DAPK1: variants seen among roughly 807,000 people sequenced by gnomAD.
DAPK1 encodes death-associated protein kinase 1.
DAPK1 carries 56 observed loss-of-function variants against 144.9 expected under a neutral mutation model. The ratio of observed to expected loss-of-function variants is 0.39; its 90% CI spans 0.31 to 0.48. The LOEUF is 0.48. Ranked by LOEUF, DAPK1 falls within the 20% of genes least tolerant of loss-of-function variation. DAPK1 has a pLI of 0.95. For missense variants in DAPK1, 1,454 were observed against 1,875.4 expected, an observed-to-expected ratio of 0.78 and a Z score of 4.15; for synonymous variants, 690 against 749.0, an observed-to-expected ratio of 0.92 and a Z score of 1.29.
chr9:87,525,299 A>C lies in DAPK1; in HGVS notation c.62+26160A>C, dbSNP rs561456273. 49 of 1,606,392 alleles carry C rather than the reference A, an allele frequency of 3.1e-5. No homozygotes were observed. The East Asian group carries it at 3.3e-4, about 11-fold the overall frequency. ...TTTACCTCGTTGCACTCCTGAGAGCAAGATGGGTCACCAGCAGCTGTACTG... is the reference window on the plus strand; with the variant it reads ...TTTACCTCGTTGCACTCCTGAGAGCCAGATGGGTCACCAGCAGCTGTACTG... On this transcript the variant is annotated intron_variant, in intron 2 of 25. Transcript: ENST00000408954.
rs1341761662 is a variant in DAPK1, at chr9:87,518,099, GTTGTTGTTTTT to G, written c.62+18963_62+18973del. Among the ~76,000 whole-genome samples the G allele has an allele frequency of 9.4e-4, 118 of 126,046 alleles. 4 individuals are homozygous for G. The highest frequency in any genetic ancestry group is 4.0e-3 in the Middle Eastern group (1 of 252). The allele number at this position is 126,046 out of a possible 152,430, so 82.7% of individuals were successfully genotyped here. ...TTGCCCTGGAATATTTGCCGTTTAT[GTTGTTGTTTTT>G]TTTTTTTTTTTTTTTTTCTGAGATG... On this transcript the variant is annotated intron_variant, in intron 2 of 25. Coordinates refer to ENST00000408954, the MANE Select transcript of DAPK1 (RefSeq NM_004938.4).
intron 2 of DAPK1, among the ~76,000 whole-genome samples, chr9:87,518,036 C>T: frequency 6.6e-6 from 1 of 151,558 alleles, no homozygotes; most frequent in East Asian, 1.9e-4. Flanking sequence ...AAGCAGCACG[C>T]ATCTGTCGCT....
At chr9:87,690,249 T>TCCCCTA (rs1195991117) in intron 21 of DAPK1, among the ~76,000 whole-genome samples, 3 of 152,296 alleles carry the variant, frequency 2.0e-5, no homozygotes, top group Admixed American at 6.5e-5. Flanking sequence ...CTGAGTATTT[T>TCCCCTA]ATTTTTATTG....
At chr9:87,669,050 C>T (rs1400713527) in intron 19 of DAPK1, 7 of 194,588 alleles carry the variant, frequency 3.6e-5, no homozygotes, top group Non-Finnish European at 6.5e-5. Context: ...CATTGTTGCT[C>T]TGAGGCTTAA....
At chr9:87,600,881 G>A (rs1828491738) in intron 2 of DAPK1, among the ~76,000 whole-genome samples, 1 of 152,232 alleles carries the variant, frequency 6.6e-6, no homozygotes, top group South Asian at 2.1e-4. Context: ...GGTTGTGGCA[G>A]TGGCCTTGCT....
chr9:87,691,709 T>A (rs969154043), intron 21 of DAPK1, among the ~76,000 whole-genome samples: 1 of 152,118 alleles, frequency 6.6e-6, no homozygotes, highest in Non-Finnish European at 1.5e-5. Context: ...AGAATTTTTT[T>A]AAATTTCTCC....
At chr9:87,512,909 A>G (rs548257970) in intron 2 of DAPK1, among the ~76,000 whole-genome samples, 1 of 151,644 alleles carries the variant, frequency 6.6e-6, no homozygotes, top group Admixed American at 6.6e-5. Flanking sequence ...AGCCTCCCAA[A>G]GTGCTGGGAT....
intron 2 of DAPK1, among the ~76,000 whole-genome samples, chr9:87,586,238 A>G (rs1189679129): frequency 6.6e-6 from 1 of 152,098 alleles, no homozygotes; most frequent in Non-Finnish European, 1.5e-5. Flanking sequence ...TAGTGAGCTG[A>G]GATAGCGCCC....
rs756066320 is a variant in DAPK1 at position 87,698,637 on chromosome 9, G to T, written c.2612-19G>T. The stretch of plus-strand genomic sequence containing the variant: ...GTAGGAGGACCCACCCCCTGAAGCA[G>T]TTCCCTCTCTGCCCCCAGCCTTCGG... On this transcript the variant is annotated intron_variant, in intron 22 of 25. Transcript: ENST00000408954. The T allele has an allele frequency of 2.5e-6, 4 of 1,583,042 alleles. No homozygotes were observed. The South Asian group carries it at 3.3e-5, about 13-fold the overall frequency.
intron 2 of DAPK1, among the ~76,000 whole-genome samples, chr9:87,571,913 T>A (rs762004781): frequency 6.6e-6 from 1 of 152,226 alleles, no homozygotes; most frequent in Admixed American, 6.5e-5. Flanking sequence ...AGCTCTTTGG[T>A]TGCAGACCGT....
chr9:87,591,087 A>T (rs1360096529), intron 2 of DAPK1, among the ~76,000 whole-genome samples: 3 of 152,224 alleles, frequency 2.0e-5, no homozygotes, highest in Non-Finnish European at 4.4e-5. Context: ...CTACCCAGTT[A>T]CCTGAAGTTA....
intron 2 of DAPK1, among the ~76,000 whole-genome samples, chr9:87,520,948 T>C (rs765521801): frequency 6.6e-6 from 1 of 152,258 alleles, no homozygotes; most frequent in Non-Finnish European, 1.5e-5. Flanking sequence ...AATGCTTTTA[T>C]TGATTTTTAC....
intron 18 of DAPK1, 53 bp downstream of exon 18, chr9:87,658,180 C>T: frequency 1.4e-6 from 1 of 737,290 alleles, no homozygotes; most frequent in Non-Finnish European, 2.4e-6. Context: ...GCCTCTGGCG[C>T]CTCCAGGGCA....
chr9:87,614,937 G>A (rs1005392236), intron 3 of DAPK1, among the ~76,000 whole-genome samples: 28 of 152,154 alleles, frequency 1.8e-4, no homozygotes, highest in Non-Finnish European at 3.8e-4. Context: ...CAGAATTCTG[G>A]GATGGTGACT....
At position 87,507,489 on chromosome 9, in the gene DAPK1, G is replaced by A. The variant is rs189552135; in HGVS notation, c.62+8350G>A. Among the ~76,000 whole-genome samples, 105 of 152,330 alleles carry A rather than the reference G, an allele frequency of 6.9e-4. No homozygotes were observed. In the Middle Eastern group the frequency reaches 0.014, roughly 20 times the overall value. ...CAAAGTGTTGGGATTACAGGCATGA[G>A]CCACCGCATCTGGTGTTCACGGGGC... On this transcript the variant is annotated intron_variant, in intron 2 of 25. Coordinates refer to ENST00000408954, the MANE Select transcript of DAPK1 (RefSeq NM_004938.4).
intron 12 of DAPK1, 131 bp from the exon 13 acceptor site, chr9:87,646,330 C>T (rs745358313): frequency 1.1e-5 from 8 of 707,882 alleles, no homozygotes; most frequent in East Asian, 1.1e-4. Flanking sequence ...CCTGTCTTCT[C>T]TTCCTGCCAC....
rs1245186453 is a variant in DAPK1, at chr9:87,697,096, A to G, written c.2503A>G (p.Ile835Val). The stretch of plus-strand genomic sequence containing the variant: ...TTTTGCTGCAAATGATCCCACGTCA[A>G]TCCATGTTGTTGTCTTTAGTCTAGA... ...DYFAANDPTS[I>V]HVVVFSLEEP... The change falls in exon 22 of 26, where the codon ATC becomes GTC. Residue 835 changes from isoleucine (I) to valine (V), a missense_variant. This residue lies in a region of DAPK1 where 1,025 missense variants were observed against 1,237.9 expected (regional missense o/e 0.83). Coordinates refer to ENST00000408954, the MANE Select transcript of DAPK1 (RefSeq NM_004938.4). 2 of 1,558,882 alleles carry G rather than the reference A, an allele frequency of 1.3e-6. No individual in the cohort carries two copies. The highest frequency in any genetic ancestry group is 1.1e-5 in the South Asian group (1 of 89,990).
intron 3 of DAPK1, among the ~76,000 whole-genome samples, chr9:87,613,712 TGTG>T (rs1391147283): frequency 1.3e-5 from 2 of 152,202 alleles, no homozygotes; most frequent in African/African-American, 4.8e-5. Context: ...CAGAGCTGAA[TGTG>T]GTGGTCGGGA....
chr9:87,657,979 C>T (rs1830690802), intron 17 of DAPK1, 50 bp from the exon 18 acceptor site: 1 of 753,284 alleles, frequency 1.3e-6, no homozygotes, highest in African/African-American at 1.7e-5. Flanking sequence ...ATGTCATCCT[C>T]AGCAACTGCG....
Sources: allele counts gnomAD v4.1 joint callset (sites outside exome capture counted in the v4.1 genomes callset), GRCh38; gene constraint gnomAD v4.1.1; regional missense constraint gnomAD v4.1.1; transcripts MANE v1.5; gene names NCBI Gene and HGNC (gene_info 2026-07-23, HGNC 2026-07-21).